RHBDL2: variants seen among roughly 807,000 people sequenced by gnomAD.
RHBDL2 encodes rhomboid-related protein 2.
Under a neutral mutation model 31.7 loss-of-function variants are expected in RHBDL2, and 26 were observed. That is an observed-to-expected ratio of 0.82 (90% CI 0.60 to 1.14). The LOEUF (loss-of-function observed/expected upper bound fraction) is 1.14, where lower values mean the gene tolerates loss of function less well. Among genes scored for constraint, RHBDL2 ranks in the 50% most tolerant of loss-of-function variants. RHBDL2 has a pLI of 0.00. For synonymous variants in RHBDL2, 123 were observed against 127.2 expected, an observed-to-expected ratio of 0.97 and a Z score of 0.22; for missense variants, 336 against 364.4, an observed-to-expected ratio of 0.92 and a Z score of 0.63.
intron 4 of RHBDL2, 39 bp from the exon 5 acceptor site, chr1:38,896,108 C>A: frequency 5.6e-6 from 8 of 1,418,010 alleles, no homozygotes; most frequent in Non-Finnish European, 7.9e-6. Context: ...CATGACTATA[C>A]GGATCAGGAA....
intron 1 of RHBDL2, among the ~76,000 whole-genome samples, chr1:38,938,640 A>AT (rs1291956720): frequency 2.0e-5 from 3 of 152,116 alleles, no homozygotes; most frequent in Non-Finnish European, 2.9e-5. Context: ...AGAAAAGAAA[A>AT]TTTTTTAATT....
At chr1:38,925,897 C>A (rs1260036791) in intron 1 of RHBDL2, 1 of 1,218,760 alleles carries the variant, frequency 8.2e-7, no homozygotes. Context: ...CAGGCAAAGC[C>A]AATCATTCAA....
intron 4 of RHBDL2, among the ~76,000 whole-genome samples, chr1:38,901,841 AAAATAAATAAATAAAT>A (rs139309825): frequency 4.0e-5 from 6 of 148,938 alleles, no homozygotes; most frequent in East Asian, 1.9e-4. Context: ...CAAAAAAAAT[AAAATAAATAAATAAAT>A]AAATAAATAA....
intron 2 of RHBDL2, among the ~76,000 whole-genome samples, chr1:38,918,688 A>G (rs1295348587): frequency 6.6e-6 from 1 of 152,180 alleles, no homozygotes; most frequent in Non-Finnish European, 1.5e-5. Flanking sequence ...AGACCTCACA[A>G]CTAAAATGAA....
Position 38,919,337 on chromosome 1 carries a change from C to T in RHBDL2, c.-125G>A. 6.3e-7 allele frequency: 1 copy of T among 1,588,850 alleles called. No individual in the cohort carries two copies. The highest frequency in any genetic ancestry group is 2.2e-5 in the East Asian group (1 of 44,600). ...GCAACGACTGCTTTCCAAGGCCTTT[C>T]CTGTATGTGAAGAGAAGACAGCTGA... On this transcript the variant is annotated splice_region_variant and 5_prime_UTR_variant, in exon 2 of 8. Coordinates refer to ENST00000372990, the MANE Select transcript of RHBDL2 (RefSeq NM_017821.5).
chr1:38,919,048 G>A lies in RHBDL2; in HGVS notation c.165C>T (p.Pro55=), dbSNP rs768057507. 1.1e-5 allele frequency: 18 copies of A among 1,613,918 alleles called. No individual in the cohort carries two copies. The highest frequency in any genetic ancestry group is 1.7e-5 in the Admixed American group (1 of 59,952). The stretch of plus-strand genomic sequence containing the variant: ...CCAAGTATGTTCCTCGGGACTTTTC[G>A]GGCAGCATCCATTTTGAGACAATCC... The part of the protein sequence containing the change: ...VHRIVSKWML[P]EKSRGTYLER... Residue 55 remains proline, a synonymous_variant, in exon 2 of 8, where the codon CCC becomes CCT. Coordinates refer to ENST00000372990, the MANE Select transcript of RHBDL2 (RefSeq NM_017821.5).
chr1:38,886,926 A>G (rs1411494812), intron 7 of RHBDL2, among the ~76,000 whole-genome samples: 1 of 152,246 alleles, frequency 6.6e-6, no homozygotes, highest in Non-Finnish European at 1.5e-5. Flanking sequence ...CAAAAGACAG[A>G]GAAATTGTTT....
At chr1:38,886,748 A>G in intron 7 of RHBDL2, 65 bp from the exon 8 acceptor site, 2 of 1,292,190 alleles carry the variant, frequency 1.5e-6, no homozygotes, top group Non-Finnish European at 2.1e-6. Flanking sequence ...TTTCAGTTGC[A>G]TCTCTCTTAT....
intron 1 of RHBDL2, among the ~76,000 whole-genome samples, chr1:38,939,549 C>T (rs1189809348): frequency 2.0e-5 from 3 of 152,082 alleles, no homozygotes; most frequent in East Asian, 3.9e-4. Flanking sequence ...TGATGGTGTG[C>T]ACCTATAGTC....
At chr1:38,901,282 C>T (rs1182217931) in intron 4 of RHBDL2, among the ~76,000 whole-genome samples, 2 of 150,566 alleles carry the variant, frequency 1.3e-5, no homozygotes, top group Non-Finnish European at 3.0e-5. Context: ...GCCAAAGTGG[C>T]GAAACCCTGT....
intron 1 of RHBDL2, among the ~76,000 whole-genome samples, chr1:38,928,889 T>C (rs1163716625): frequency 2.0e-5 from 3 of 152,030 alleles, no homozygotes; most frequent in Non-Finnish European, 4.4e-5. Context: ...AGCGAAAGCC[T>C]TTCTCTACAA....
intron 4 of RHBDL2, among the ~76,000 whole-genome samples, chr1:38,907,518 C>T (rs183378161): frequency 1.3e-4 from 19 of 151,482 alleles, no homozygotes; most frequent in Admixed American, 4.0e-4. Context: ...TCAGCCTGGG[C>T]GACAAAAGCG....
rs1643277944 is a variant in RHBDL2, at chr1:38,919,159, T to A, written c.54A>T (p.Arg18Ser). The change falls in exon 2 of 8, where the codon AGA becomes AGT. Residue 18 changes from arginine to serine, a missense_variant. Transcript: ENST00000372990. ...EMESMNLNMG[R>S]EMKEELEEEE... The stretch of plus-strand genomic sequence containing the variant: ...CTTCCTCCAGCTCTTCTTTCATCTC[T>A]CTCCCCATATTCAGATTCATGCTCT... 1 of 1,614,044 alleles carries A rather than the reference T, an allele frequency of 6.2e-7. No homozygotes were observed. Among genetic ancestry groups the A allele is most frequent in the Non-Finnish European group, 8.5e-7 (1 of 1,180,010 alleles).
At chr1:38,939,662 A>AT (rs1374288203) in intron 1 of RHBDL2, among the ~76,000 whole-genome samples, 3 of 151,962 alleles carry the variant, frequency 2.0e-5, no homozygotes, top group Non-Finnish European at 4.4e-5. Flanking sequence ...CAAAAAAAAA[A>AT]CCAAGTAGCT....
rs1442375276 is a variant in RHBDL2, at chr1:38,926,087, A to G, written c.-125-6750T>C. 5.7e-6 allele frequency: 7 copies of G among 1,222,712 alleles called. No homozygotes were observed. The East Asian group carries it at 1.8e-4, about 32-fold the overall frequency. 75.7% of individuals were successfully genotyped at this position (1,222,712 alleles called of 1,614,324 possible). ...TGGTGGGCAGCAGGAAACGGATCCC[A>G]CTACAGACATTAACCATGCCCAATA... On this transcript the variant is annotated intron_variant, in intron 1 of 7. Transcript: ENST00000372990.
chr1:38,903,763 T>C (rs776316034), intron 4 of RHBDL2, among the ~76,000 whole-genome samples: 4 of 152,014 alleles, frequency 2.6e-5, no homozygotes, highest in South Asian at 2.1e-4. Flanking sequence ...AAAAAATTTG[T>C]GAAAAAGAAT....
At chr1:38,924,786 T>C (rs1298675589) in intron 1 of RHBDL2, among the ~76,000 whole-genome samples, 18 of 149,898 alleles carry the variant, frequency 1.2e-4, no homozygotes, top group Admixed American at 1.2e-3. Context: ...TTTTTTCTTT[T>C]TTTTTTTTTT....
intron 1 of RHBDL2, among the ~76,000 whole-genome samples, chr1:38,938,307 G>A (rs562830586): frequency 2.6e-5 from 4 of 152,170 alleles, no homozygotes; most frequent in East Asian, 3.9e-4. Flanking sequence ...GAGCCACCGC[G>A]CCCAGCCAAA....
intron 4 of RHBDL2, among the ~76,000 whole-genome samples, chr1:38,900,845 C>A (rs1001401993): frequency 6.6e-6 from 1 of 151,546 alleles, no homozygotes; most frequent in African/African-American, 2.4e-5. Context: ...GTCAGGAGTT[C>A]AAGACCAGCC....
Sources: gnomAD v4.1 joint callset for allele counts (sites outside exome capture counted in the v4.1 genomes callset) on GRCh38, gnomAD v4.1.1 for gene constraint, MANE v1.5 for transcripts, NCBI Gene and HGNC (gene_info 2026-07-23, HGNC 2026-07-21) for gene names.